Variants in FGF13 observed in about 807,000 individuals in gnomAD.
FGF13 encodes fibroblast growth factor homologous factor 2.
FGF13 carries 2 observed loss-of-function variants against 19.5 expected under a neutral mutation model. The observed-to-expected ratio is 0.10, with a 90% CI of 0.04 to 0.32. The LOEUF is 0.32. Among genes scored for constraint, FGF13 ranks in the 10% least tolerant of loss-of-function variants. FGF13 has a pLI of 1.00. For missense variants in FGF13, 113 were observed against 192.7 expected, an observed-to-expected ratio of 0.59 and a Z score of 2.45; for synonymous variants, 72 against 76.9, an observed-to-expected ratio of 0.94 and a Z score of 0.33.
chrX:138,806,602 A>G (rs193120622), intron 3 of FGF13: 5 of 112,291 alleles, frequency 4.5e-5, no homozygotes, highest in African/African-American at 1.6e-4. Context: ...GAAGATAAGG[A>G]TACTGTTGCT....
chrX:138,995,902 T>A (rs2124352972), intron 1 of FGF13, among the ~76,000 whole-genome samples: 1 of 112,111 alleles, frequency 8.9e-6, no homozygotes, highest in East Asian at 2.8e-4. Context: ...CCACAATGGA[T>A]GAACTAATTT....
intron 1 of FGF13, among the ~76,000 whole-genome samples, chrX:138,904,871 G>A (rs1217572985): frequency 6.3e-5 from 7 of 111,535 alleles, no homozygotes; most frequent in African/African-American, 2.3e-4. Context: ...AGTGAAACTT[G>A]GTAAAAAATA....
intron 3 of FGF13, among the ~76,000 whole-genome samples, chrX:138,697,738 GTTTAAC>G (rs1316051598): frequency 2.7e-5 from 3 of 111,258 alleles, no homozygotes; most frequent in African/African-American, 9.8e-5. Context: ...AATGCTTTTG[GTTTAAC>G]TTTGAGTTTT....
Position 139,058,538 on chromosome X carries a change from C to CA in FGF13, c.-113+144877dup, listed in dbSNP as rs779526435. Among the ~76,000 whole-genome samples the CA allele has an allele frequency of 2.7e-5, 3 of 111,326 alleles. No individual in the cohort carries two copies. The East Asian group carries it at 8.5e-4, about 31-fold the overall frequency. ...AATGAGTAAAATGTCCTTTTTTAGA[C>CA]AGAGGACCAGGTCCAATTTTCTATA... On this transcript the variant is annotated intron_variant, in intron 1 of 2. Coordinates refer to the FGF13 transcript ENST00000421460.
intron 3 of FGF13, among the ~76,000 whole-genome samples, chrX:138,658,259 G>C (rs1286913853): frequency 8.9e-6 from 1 of 112,266 alleles, no homozygotes; most frequent in Non-Finnish European, 1.9e-5. Context: ...AAACAGACAA[G>C]TTTCCTTTAA....
intron 3 of FGF13, among the ~76,000 whole-genome samples, chrX:138,748,705 A>G (rs904519557): frequency 4.5e-5 from 5 of 111,885 alleles, no homozygotes; most frequent in Non-Finnish European, 9.4e-5. Flanking sequence ...TTACAAAACT[A>G]TATAATGCTT....
chrX:138,742,447 CTG>C (rs1411902266), upstream of FGF13, among the ~76,000 whole-genome samples: 1 of 110,535 alleles, frequency 9.0e-6, no homozygotes, highest in East Asian at 2.9e-4. Context: ...CCACATGGCG[CTG>C]TGTCATTCAG....
At chrX:138,993,938 C>T (rs753456734) in intron 1 of FGF13, among the ~76,000 whole-genome samples, 1 of 111,599 alleles carries the variant, frequency 9.0e-6, no homozygotes, top group South Asian at 3.8e-4. Context: ...CTAATTGATC[C>T]AACCTTTCCT....
chrX:138,714,816 T>C (rs2124263738), upstream of FGF13: 1 of 112,156 alleles, frequency 8.9e-6, no homozygotes, highest in East Asian at 2.8e-4. Flanking sequence ...GAAGGTATAA[T>C]GAAAGAATTG....
chrX:138,708,844 C>A lies in FGF13; in HGVS notation c.272G>T (p.Gly91Val). The change falls in exon 2 of 5, where the codon GGC becomes GTC. Residue 91 changes from glycine to valine, a missense_variant. By Grantham distance (109) the Gly-to-Val change is moderately radical. This residue lies in a region of FGF13 where 51 missense variants were observed against 78.5 expected (regional missense o/e 0.65). Transcript: ENST00000315930. ...GTAAGTGCTGTCCTCATCTTTGGTG[C>A]CATCAATGGTTCCATCCGCCTGCAG... ...LQLQADGTIDGTKDEDSTYTL... is the reference protein window; with the variant it reads ...LQLQADGTIDVTKDEDSTYTL... 8.3e-7 allele frequency: 1 copy of A among 1,207,579 alleles called. No individual in the cohort carries two copies. Among genetic ancestry groups the A allele is most frequent in the African/African-American group, 1.7e-5 (1 of 57,788 alleles).
intron 1 of FGF13, among the ~76,000 whole-genome samples, chrX:139,150,061 C>T (rs771420009): frequency 1.8e-5 from 2 of 111,725 alleles, no homozygotes; most frequent in South Asian, 7.6e-4. Context: ...ACAGGGTTGG[C>T]TAATTCTCTC....
chrX:139,030,789 C>T (rs2092223707), intron 1 of FGF13, among the ~76,000 whole-genome samples: 1 of 111,935 alleles, frequency 8.9e-6, no homozygotes, highest in South Asian at 3.7e-4. Context: ...TTCCAAAAAA[C>T]ACAGACTGAA....
At chrX:138,826,624 G>C (rs1240923121) in intron 3 of FGF13, among the ~76,000 whole-genome samples, 1 of 111,996 alleles carries the variant, frequency 8.9e-6, no homozygotes, top group African/African-American at 3.2e-5. Flanking sequence ...ATGCTGCTAA[G>C]GGATGGAATC....
At chrX:139,148,347 C>T (rs73633982) in intron 1 of FGF13, among the ~76,000 whole-genome samples, 6,598 of 111,193 alleles carry the variant, frequency 0.059, 523 homozygotes, top group African/African-American at 0.2. Flanking sequence ...TCATACACTA[C>T]CCAGGAATTG....
At chrX:138,909,993 T>C (rs1203462268) in intron 1 of FGF13, among the ~76,000 whole-genome samples, 1 of 111,027 alleles carries the variant, frequency 9.0e-6, no homozygotes, top group Non-Finnish European at 1.9e-5. Flanking sequence ...CATTCCATCA[T>C]GGAGTCCAGA....
At chrX:138,854,401 T>G (rs940550464), downstream of FGF13, among the ~76,000 whole-genome samples, 14 of 111,637 alleles carry the variant, frequency 1.3e-4, no homozygotes, top group Non-Finnish European at 2.3e-4. Flanking sequence ...TTGTGTATTA[T>G]TTTATATGGA....
At chrX:138,777,376 C>A (rs1381162826) in intron 3 of FGF13, among the ~76,000 whole-genome samples, 1 of 111,734 alleles carries the variant, frequency 8.9e-6, no homozygotes, top group Non-Finnish European at 1.9e-5. Flanking sequence ...GGACCTGACA[C>A]TCTCTCCCAT....
chrX:139,060,508 A>G (rs2124421625), intron 1 of FGF13, among the ~76,000 whole-genome samples: 1 of 111,894 alleles, frequency 8.9e-6, no homozygotes, highest in South Asian at 3.7e-4. Context: ...CATTTAACAA[A>G]GTAGGGCAAT....
intron 1 of FGF13, among the ~76,000 whole-genome samples, chrX:138,887,903 T>A (rs2091458712): frequency 2.7e-5 from 3 of 111,933 alleles, no homozygotes; most frequent in Non-Finnish European, 5.6e-5. Flanking sequence ...ATTTCTCTCC[T>A]CCTTCTTCTC....
Sources: allele counts gnomAD v4.1 joint callset (sites outside exome capture counted in the v4.1 genomes callset), GRCh38; gene constraint gnomAD v4.1.1; regional missense constraint gnomAD v4.1.1; transcripts MANE v1.5; gene names NCBI Gene and HGNC (gene_info 2026-07-23, HGNC 2026-07-21).